The following KDM5A variants were observed in gnomAD, a reference collection of about 807,000 sequenced individuals.
The protein encoded by KDM5A is lysine demethylase 5A, also known as lysine-specific demethylase 5A.
In KDM5A, 42 loss-of-function variants were observed where a neutral mutation model predicts 193.5. The observed-to-expected ratio is 0.22, with a 90% CI of 0.17 to 0.28. The LOEUF is 0.28. Among genes scored for constraint, KDM5A ranks in the 10% least tolerant of loss-of-function variants. KDM5A has a pLI of 1.00. For synonymous variants in KDM5A, 796 were observed against 718.1 expected, an observed-to-expected ratio of 1.11 and a Z score of -1.73; for missense variants, 1,692 against 2,055.1, an observed-to-expected ratio of 0.82 and a Z score of 3.42.
chr12:292,905 C>G lies in KDM5A; in HGVS notation c.4720G>C (p.Glu1574Gln). The change falls in exon 27 of 28, where the codon GAA (glutamate) becomes CAA (glutamine). Residue 1574 changes from glutamate (E) to glutamine (Q), a missense_variant. Physicochemically the swap from Glu to Gln is conservative, Grantham distance 29. This residue lies in a region of KDM5A where 965 missense variants were observed against 1,061.0 expected (regional missense o/e 0.91). Transcript: ENST00000399788. ...TTTTCAGTGCTCTCTTTCACAAGTT[C>G]AACTTTGGCTGCAGCAGCCTTCTCC... ...KKEKAAAAKVELVKESTEKKR... is the reference protein window; with the variant it reads ...KKEKAAAAKVQLVKESTEKKR... 1 of 1,614,158 alleles carries G rather than the reference C, an allele frequency of 6.2e-7. No homozygotes were observed. The highest frequency in any genetic ancestry group is 8.5e-7 in the Non-Finnish European group (1 of 1,180,032).
In KDM5A at chr12:293,103, G is replaced by A. The variant is rs367537993; in HGVS notation, c.4522C>T (p.Arg1508Trp). The change falls in exon 27 of 28, where the codon CGG becomes TGG. Residue 1508 changes from arginine to tryptophan, a missense_variant. By Grantham distance (101) the Arg-to-Trp change is moderately radical. Coordinates refer to ENST00000399788, the MANE Select transcript of KDM5A (RefSeq NM_001042603.3). ...AGTTGCTCTACCTTTTCTAGCTTCC[G>A]TTTCCGTTTCTTCTCTGAAGAGTCC... Reference protein sequence around the residue: ...GKDSSEKKRKRKLEKVEQLFG... With the variant: ...GKDSSEKKRKWKLEKVEQLFG... 1.3e-5 allele frequency: 21 copies of A among 1,595,926 alleles called. No homozygotes were observed. Among genetic ancestry groups the A allele is most frequent in the Non-Finnish European group, 1.7e-5 (20 of 1,175,664 alleles).
At chr12:326,762 G>A (rs955518440) in intron 14 of KDM5A, among the ~76,000 whole-genome samples, 14 of 150,606 alleles carry the variant, frequency 9.3e-5, no homozygotes, top group Admixed American at 2.7e-4. Flanking sequence ...TCGGGAGGCT[G>A]AGGTAGGTAG....
intron 16 of KDM5A, 66 bp downstream of exon 16, chr12:323,016 T>C (rs970963211): frequency 5.0e-6 from 8 of 1,605,112 alleles, no homozygotes; most frequent in Non-Finnish European, 6.8e-6. Flanking sequence ...AACATAAAAC[T>C]AAAACAAAGC....
intron 3 of KDM5A, among the ~76,000 whole-genome samples, chr12:374,612 CATT>C (rs1489551913): frequency 6.6e-6 from 1 of 152,168 alleles, no homozygotes; most frequent in Non-Finnish European, 1.5e-5. Context: ...TTGATCCTGT[CATT>C]ATGATGTTAG....
Position 307,387 on chromosome 12 carries a change from C to T in KDM5A, c.3930+67G>A, listed in dbSNP as rs1258163991. On this transcript the variant is annotated intron_variant, in intron 23 of 27. Coordinates refer to ENST00000399788, the MANE Select transcript of KDM5A (RefSeq NM_001042603.3). This position sits in a 1 kb window ranked among gnomAD's most constrained non-coding sequence, Gnocchi z 4.3. ...TTTCCTAATCAATTGGTAAGACAGA[C>T]TCAATTTACTATTTATACACTGACA... 3.1e-5 allele frequency: 47 copies of T among 1,495,008 alleles called. No individual in the cohort carries two copies. Among genetic ancestry groups the T allele is most frequent in the Admixed American group, 8.4e-5 (5 of 59,566 alleles). The allele number at this position is 1,495,008 out of a possible 1,614,324, so 92.6% of individuals were successfully genotyped here.
chr12:326,787 C>T (rs1943792079), intron 14 of KDM5A, among the ~76,000 whole-genome samples: 1 of 148,370 alleles, frequency 6.7e-6, no homozygotes, highest in East Asian at 2.0e-4. Flanking sequence ...ATGGCGTGGA[C>T]CCGCAGGGCG....
At chr12:312,150 G>GT (rs1177394759) in intron 20 of KDM5A, among the ~76,000 whole-genome samples, 1 of 152,184 alleles carries the variant, frequency 6.6e-6, no homozygotes, top group Non-Finnish European at 1.5e-5. Flanking sequence ...ACTTAACACT[G>GT]TAAGTGCTGC....
At position 297,181 on chromosome 12, in the gene KDM5A, G is replaced by C. The variant is rs1943384849; in HGVS notation, c.4094C>G (p.Ser1365Cys). 2 of 1,613,904 alleles carry C rather than the reference G, an allele frequency of 1.2e-6. No individual in the cohort carries two copies. Among genetic ancestry groups the C allele is most frequent in the Non-Finnish European group, 1.7e-6 (2 of 1,179,966 alleles). ...YDMKDTASVK[S>C]SSSLEPNLFC... is the part of the protein sequence containing the mutation. ...AAGATTGGGTTCAAGACTACTAGAG[G>C]ACTTCACACTGGCTGTGTCCTGAAG... The change falls in exon 25 of 28, where the codon TCC (serine) becomes TGC (cysteine). Residue 1365 changes from serine to cysteine, a missense_variant. Ser to Cys is a moderately radical substitution (Grantham distance 112). This residue lies in a region of KDM5A where 965 missense variants were observed against 1,061.0 expected (regional missense o/e 0.91). Transcript: ENST00000399788.
At position 334,315 on chromosome 12, in the gene KDM5A, A is replaced by G. The variant is rs1943898666; in HGVS notation, c.1416T>C (p.Tyr472=). The G allele has an allele frequency of 1.9e-6, 3 of 1,614,182 alleles. No individual in the cohort carries two copies. Among genetic ancestry groups the G allele is most frequent in the South Asian group, 1.1e-5 (1 of 91,088 alleles). ...AAAAAGAAGAGAAGCACATTCCCAC[A>G]TAGAGCCACGGCACTTTCATACCAG... ...DISGMKVPWL[Y]VGMCFSSFCW... Residue 472 remains tyrosine, a synonymous_variant, in exon 11 of 28, where the codon TAT becomes TAC. Transcript: ENST00000399788.
Position 283,103 on chromosome 12 carries a change from CACT to C in KDM5A, c.*2350_*2352del, listed in dbSNP as rs1943175379. 4.3e-6 allele frequency: 1 copy of C among 231,208 alleles called. No homozygotes were observed. The highest frequency in any genetic ancestry group is 6.2e-5 in the East Asian group (1 of 16,250). The allele number at this position is 231,208 out of a possible 1,614,324, so 14.3% of individuals were successfully genotyped here. On this transcript the variant is annotated 3_prime_UTR_variant, in exon 28 of 28. Transcript: ENST00000399788. ...CTTTCTCAGCATCCTCATGACTCTC[CACT>C]GATAGTGGAATAGTTAATGGATGAT...
intron 3 of KDM5A, among the ~76,000 whole-genome samples, chr12:374,515 G>C (rs1183950618): frequency 1.3e-5 from 2 of 152,160 alleles, no homozygotes; most frequent in African/African-American, 4.8e-5. Context: ...GGTGGATCTT[G>C]ACTCTTTATC....
chr12:310,377 T>A (rs949860457), intron 21 of KDM5A, among the ~76,000 whole-genome samples: 4 of 152,154 alleles, frequency 2.6e-5, no homozygotes, highest in Non-Finnish European at 5.9e-5. Context: ...ACACCTGTAA[T>A]CCCAGCACTT....
At chr12:349,629 G>C (rs1285977579) in intron 10 of KDM5A, among the ~76,000 whole-genome samples, 3 of 151,644 alleles carry the variant, frequency 2.0e-5, no homozygotes, top group Non-Finnish European at 4.4e-5. Context: ...CGCCCATCCT[G>C]GATTTTATAA....
chr12:303,591 C>T (rs963671191), intron 24 of KDM5A, among the ~76,000 whole-genome samples: 10 of 151,858 alleles, frequency 6.6e-5, no homozygotes, highest in African/African-American at 1.9e-4. Flanking sequence ...CACCATGGCA[C>T]GTGTATACCT....
chr12:345,452 C>T lies in KDM5A; in HGVS notation c.1308+5169G>A, dbSNP rs535862462. Reference sequence around the variant, plus strand: ...ATCTACAGAACTCTCCACCCCAAAGCAACAGAATATACATTCTGCTCAGCA... The same window carrying T: ...ATCTACAGAACTCTCCACCCCAAAGTAACAGAATATACATTCTGCTCAGCA... On this transcript the variant is annotated intron_variant, in intron 10 of 27. Transcript: ENST00000399788. Among the ~76,000 whole-genome samples the T allele has an allele frequency of 2.0e-5, 3 of 152,270 alleles. No homozygotes were observed. In the South Asian group the frequency reaches 6.2e-4, roughly 32 times the overall value.
chr12:387,387 C>A (rs1373904420), intron 1 of KDM5A: 4 of 204,016 alleles, frequency 2.0e-5, no homozygotes, highest in Non-Finnish European at 1.0e-5. Flanking sequence ...TCAAAGTAAC[C>A]GTGAATAGAA....
chr12:358,294 G>A (rs1183537785), intron 5 of KDM5A, among the ~76,000 whole-genome samples: 1 of 152,100 alleles, frequency 6.6e-6, no homozygotes, highest in African/African-American at 2.4e-5. Context: ...TAAGTCTGTG[G>A]TTACATAACA....
In KDM5A at chr12:355,067, C is replaced by T. The variant is rs1435021068; in HGVS notation, c.870+91G>A. On this transcript the variant is annotated intron_variant, in intron 7 of 27. Transcript: ENST00000399788. The stretch of plus-strand genomic sequence containing the variant: ...CAAGTCTTCTAACCAAACGAGCTAA[C>T]TAAACACATACCATGATATATCAGG... The T allele has an allele frequency of 3.6e-6, 3 of 824,892 alleles. No homozygotes were observed. The East Asian group carries it at 7.4e-5, about 20-fold the overall frequency. 51.1% of individuals were successfully genotyped at this position (824,892 alleles called of 1,614,324 possible).
In KDM5A at chr12:356,648, G is replaced by C. The variant is rs984769137; in HGVS notation, c.673-111C>G. ...TTCAACACGGAAGAACAAATTATTG[G>C]ATTTCTTTTCTGTAAATCCACTCAC... is the stretch of plus-strand genomic sequence containing the variant. On this transcript the variant is annotated intron_variant, in intron 5 of 27. Transcript: ENST00000399788. 1.5e-5 allele frequency: 11 copies of C among 737,648 alleles called. No homozygotes were observed. In the South Asian group the frequency reaches 1.5e-4, roughly 10 times the overall value. 45.7% of individuals were successfully genotyped at this position (737,648 alleles called of 1,614,324 possible). A position where few individuals can be genotyped will look rare whatever the true frequency, so the allele number is the denominator to read the frequency against.
Sources: gnomAD v4.1 joint callset for allele counts (sites outside exome capture counted in the v4.1 genomes callset) on GRCh38, gnomAD v4.1.1 for gene constraint, gnomAD v4.1.1 regional missense constraint, Gnocchi (gnomAD v3.1) non-coding constraint, MANE v1.5 for transcripts, NCBI Gene and HGNC (gene_info 2026-07-23, HGNC 2026-07-21) for gene names.